The following ZNF469 variants were observed in gnomAD, a reference collection of about 807,000 sequenced individuals.
ZNF469 encodes zinc finger protein 469.
In ZNF469, 1 loss-of-function variant was observed where a neutral mutation model predicts 1.0. That is an observed-to-expected ratio of 1.00 (90% confidence interval 0.35 to 4.73). The LOEUF (loss-of-function observed/expected upper bound fraction) is 4.73, where lower values mean the gene tolerates loss of function less well. ZNF469 is among the 30% of genes most tolerant of loss of function. The pLI, the probability that ZNF469 is intolerant of heterozygous loss-of-function variation, is 0.16. For missense variants in ZNF469, 6,100 were observed against 5,356.3 expected, an observed-to-expected ratio of 1.14 and a Z score of -4.33; for synonymous variants, 2,703 against 2,363.4, an observed-to-expected ratio of 1.14 and a Z score of -4.17.
chr16:88,136,649 C>T, the ZNF469 span, among the ~76,000 whole-genome samples: 1 of 152,240 alleles, frequency 6.6e-6, no homozygotes, highest in Non-Finnish European at 1.5e-5. Flanking sequence ...AAAGAGGAGG[C>T]CTGGAGCCTG....
At chr16:88,334,190 C>A in the ZNF469 span, among the ~76,000 whole-genome samples, 1 of 152,240 alleles carries the variant, frequency 6.6e-6, no homozygotes, top group Non-Finnish European at 1.5e-5. Flanking sequence ...ATGTCACTCC[C>A]TTTCCTAAGA....
At chr16:88,231,212 G>A in the ZNF469 span, among the ~76,000 whole-genome samples, 1 of 152,070 alleles carries the variant, frequency 6.6e-6, no homozygotes, top group Non-Finnish European at 1.5e-5. The surrounding 1 kb of genome is among the most constrained non-coding windows in gnomAD (Gnocchi z 4.5). Flanking sequence ...TTGCCCAAAC[G>A]GGAGGAACAG....
the ZNF469 span, among the ~76,000 whole-genome samples, chr16:88,205,669 G>A: frequency 4.6e-5 from 7 of 152,278 alleles, no homozygotes; most frequent in Non-Finnish European, 1.0e-4. The surrounding 1 kb of genome is among the most constrained non-coding windows in gnomAD (Gnocchi z 4.2). Context: ...GCACGGATGC[G>A]GAACCGGCTC....
At chr16:88,207,942 G>A in the ZNF469 span, among the ~76,000 whole-genome samples, 129 of 152,234 alleles carry the variant, frequency 8.5e-4, no homozygotes, top group African/African-American at 3.0e-3. Context: ...GTCTTTGGCG[G>A]CCATGATTTA....
At chr16:88,239,689 ATATATATATATATATATATATATATAT>A in the ZNF469 span, among the ~76,000 whole-genome samples, 8 of 8,804 alleles carry the variant, frequency 9.1e-4, 1 homozygote, top group Non-Finnish European at 1.5e-3. Context: ...ATATATATAT[ATATATATATATATATATATATATATAT>A]TTTTTTTTTT....
the ZNF469 span, among the ~76,000 whole-genome samples, chr16:88,116,728 G>T: frequency 2.0e-5 from 3 of 152,150 alleles, no homozygotes; most frequent in East Asian, 1.9e-4. Context: ...ACCTCAAAAA[G>T]CCTGTACATG....
the ZNF469 span, among the ~76,000 whole-genome samples, chr16:88,139,976 C>A: frequency 6.6e-6 from 1 of 152,184 alleles, no homozygotes; most frequent in Non-Finnish European, 1.5e-5. Context: ...ATAACTCCTA[C>A]CGAGTTTGAG....
the ZNF469 span, among the ~76,000 whole-genome samples, chr16:88,345,960 C>T: frequency 6.6e-6 from 1 of 152,122 alleles, no homozygotes; most frequent in African/African-American, 2.4e-5. Flanking sequence ...CCTGGAAGGA[C>T]CAGAGGAAAA....
chr16:88,435,076 A>G lies in ZNF469; in HGVS notation c.7606A>G (p.Lys2536Glu). ...PRKKSHRVSG[K>E]ERPNHSRGDP... is the part of the protein sequence containing the mutation. ...GAAGAAAAGCCACAGGGTGTCTGGG[A>G]AGGAGAGACCAAATCACTCACGGGG... The change falls in exon 3 of 3, where the codon AAG becomes GAG. Residue 2536 changes from lysine (K) to glutamate (E), a missense_variant. Coordinates refer to ENST00000565624, the MANE Select transcript of ZNF469 (RefSeq NM_001367624.2). 1 of 1,550,398 alleles carries G rather than the reference A, an allele frequency of 6.4e-7. No individual in the cohort carries two copies. Among genetic ancestry groups the G allele is most frequent in the Non-Finnish European group, 8.7e-7 (1 of 1,146,988 alleles).
the ZNF469 span, among the ~76,000 whole-genome samples, chr16:88,121,843 A>G: frequency 2.0e-5 from 3 of 152,204 alleles, no homozygotes; most frequent in African/African-American, 7.2e-5. Flanking sequence ...TTGTCAAAAT[A>G]CGCTTCTTTT....
At chr16:88,352,855 C>T in the ZNF469 span, among the ~76,000 whole-genome samples, 1 of 152,220 alleles carries the variant, frequency 6.6e-6, no homozygotes, top group Non-Finnish European at 1.5e-5. Flanking sequence ...ATGGGCCTGA[C>T]CCCTGGGCAC....
chr16:88,432,136 C>T lies in ZNF469; in HGVS notation c.4666C>T (p.His1556Tyr). ...TGGATGTAGCGTTGCTCTTATGAGT[C>T]ACCTGTCCGAGGATGAACTGGAGAT... The part of the protein sequence containing the change: ...GSGCSVALMS[H>Y]LSEDELEIQK... Residue 1556 changes from histidine to tyrosine, a missense_variant, in exon 3 of 3, where the codon CAC becomes TAC. By Grantham distance (83) the His-to-Tyr change is moderately conservative. Transcript: ENST00000565624. The T allele has an allele frequency of 6.4e-7, 1 of 1,550,394 alleles. No homozygotes were observed. Among genetic ancestry groups the T allele is most frequent in the South Asian group, 1.2e-5 (1 of 84,046 alleles).
the ZNF469 span, among the ~76,000 whole-genome samples, chr16:88,229,600 CACGCGTGTGTGCTGATGT>C: frequency 3.2e-5 from 2 of 62,982 alleles, no homozygotes; most frequent in South Asian, 1.5e-3. Context: ...GTGTGGATGT[CACGCGTGTGTGCTGATGT>C]CACGCGTGTG....
the ZNF469 span, among the ~76,000 whole-genome samples, chr16:88,243,703 A>T: frequency 2.0e-5 from 3 of 150,660 alleles, no homozygotes; most frequent in Non-Finnish European, 4.4e-5. Context: ...AGATGGGTGG[A>T]TGGATGGATA....
At chr16:88,129,967 A>C in the ZNF469 span, among the ~76,000 whole-genome samples, 2 of 152,242 alleles carry the variant, frequency 1.3e-5, no homozygotes, top group Admixed American at 1.3e-4. Context: ...TACCAGTTTC[A>C]GACTCAGCTT....
chr16:88,275,360 CA>C, the ZNF469 span, among the ~76,000 whole-genome samples: 4 of 152,196 alleles, frequency 2.6e-5, no homozygotes, highest in African/African-American at 9.7e-5. Flanking sequence ...GACAAGAAAA[CA>C]TGTCTTTGGA....
chr16:88,432,246 G>A lies in ZNF469; in HGVS notation c.4776G>A (p.Glu1592=). 6.5e-7 allele frequency: 1 copy of A among 1,548,840 alleles called. No individual in the cohort carries two copies. The highest frequency in any genetic ancestry group is 8.7e-7 in the Non-Finnish European group (1 of 1,146,990). The part of the protein sequence containing the change: ...RGAPRELAEA[E]SVGRVELGTG... ...CCCCGAGAGAGCTTGCAGAAGCTGA[G>A]TCGGTGGGCAGGGTGGAGCTCGGCA... The change falls in exon 3 of 3, where the codon GAG becomes GAA. Residue 1592 remains glutamate, a synonymous_variant. Coordinates refer to ENST00000565624, the MANE Select transcript of ZNF469 (RefSeq NM_001367624.2).
the ZNF469 span, among the ~76,000 whole-genome samples, chr16:88,359,986 G>A: frequency 1.4e-4 from 22 of 152,152 alleles, no homozygotes; most frequent in African/African-American, 5.1e-4. Context: ...TTAACAGAGA[G>A]GTCAATATTT....
At chr16:88,328,389 C>A in the ZNF469 span, among the ~76,000 whole-genome samples, 1 of 152,230 alleles carries the variant, frequency 6.6e-6, no homozygotes, top group Non-Finnish European at 1.5e-5. Flanking sequence ...ATAGCAGTGC[C>A]TTCTTCACAA....
Sources: gnomAD v4.1 joint callset for allele counts (sites outside exome capture counted in the v4.1 genomes callset) on GRCh38, gnomAD v4.1.1 for gene constraint, Gnocchi (gnomAD v3.1) non-coding constraint, MANE v1.5 for transcripts, NCBI Gene and HGNC (gene_info 2026-07-23, HGNC 2026-07-21) for gene names.